Variants in FARS2 observed in about 807,000 individuals in gnomAD.
FARS2 encodes the protein phenylalanyl-tRNA synthetase 2, mitochondrial, also known as phenylalanine--tRNA ligase, mitochondrial.
A neutral mutation model predicts 46.4 loss-of-function variants in FARS2; 40 were observed. That is an observed-to-expected ratio of 0.86 (90% CI 0.67 to 1.12). The LOEUF is 1.12. Ranked by LOEUF, FARS2 falls within the 50% of genes most tolerant of loss-of-function variation. FARS2 has a pLI of 0.00. For synonymous variants in FARS2, 234 were observed against 214.9 expected (o/e 1.09, Z -0.78); for missense variants, 513 against 567.9 (o/e 0.90, Z 0.98).
intron 4 of FARS2, chr6:5,466,829 G>A: frequency 1.0e-6 from 1 of 985,418 alleles, no homozygotes; most frequent in Non-Finnish European, 1.2e-6. Context: ...CACTGAGTTG[G>A]GAATGGAGCC....
chr6:5,729,276 T>C lies in FARS2; in HGVS notation c.1218-42015T>C, dbSNP rs144770508. ...AAAGGAAATGAATAGCTCGTGCTAA[T>C]GAATGAGGTGTCCCCAGAGCATCGT... On this transcript the variant is annotated intron_variant, in intron 6 of 6. Coordinates refer to ENST00000274680, the MANE Select transcript of FARS2 (RefSeq NM_006567.5). 1.4e-3 allele frequency among the ~76,000 whole-genome samples: 218 copies of C among 152,296 alleles called. 1 individual carries two copies. The highest frequency in any genetic ancestry group is 5.0e-3 in the African/African-American group (207 of 41,572).
intron 5 of FARS2, among the ~76,000 whole-genome samples, chr6:5,607,954 T>C (rs1774937050): frequency 6.6e-6 from 1 of 151,044 alleles, no homozygotes; most frequent in Non-Finnish European, 1.5e-5. Flanking sequence ...AGAACATTGA[T>C]TATATTGCTA....
At chr6:5,666,781 C>T (rs567283570) in intron 6 of FARS2, among the ~76,000 whole-genome samples, 124 of 152,256 alleles carry the variant, frequency 8.1e-4, no homozygotes, top group African/African-American at 2.9e-3. Context: ...CATGTGTATT[C>T]GTTGCTATTC....
chr6:5,596,322 G>A (rs767217684), intron 5 of FARS2, among the ~76,000 whole-genome samples: 21 of 152,196 alleles, frequency 1.4e-4, no homozygotes, highest in Non-Finnish European at 2.9e-4. Flanking sequence ...GAGTGCAGTT[G>A]CTTCTGCACC....
intron 1 of FARS2, among the ~76,000 whole-genome samples, chr6:5,296,485 A>G (rs1044714917): frequency 1.3e-5 from 2 of 152,128 alleles, no homozygotes; most frequent in Admixed American, 1.3e-4. Flanking sequence ...CATTAAGTAC[A>G]TTTATGGTCT....
chr6:5,738,773 A>G (rs976666732), intron 6 of FARS2, among the ~76,000 whole-genome samples: 14 of 88,304 alleles, frequency 1.6e-4, no homozygotes, highest in African/African-American at 8.9e-4. Context: ...CCATACATTT[A>G]GAAAAAAAAA....
At chr6:5,507,853 A>G (rs1299831914) in intron 4 of FARS2, among the ~76,000 whole-genome samples, 3 of 152,210 alleles carry the variant, frequency 2.0e-5, no homozygotes, top group Non-Finnish European at 4.4e-5. Flanking sequence ...GAATTTGTTT[A>G]TAAGTGTGTA....
chr6:5,547,645 G>A (rs1047497683), intron 5 of FARS2, among the ~76,000 whole-genome samples: 4 of 152,300 alleles, frequency 2.6e-5, no homozygotes, highest in South Asian at 2.1e-4. Flanking sequence ...CACCACCAGC[G>A]TTTGTAAGCA....
At chr6:5,266,874 G>A (rs942580713) in intron 1 of FARS2, among the ~76,000 whole-genome samples, 4 of 151,860 alleles carry the variant, frequency 2.6e-5, no homozygotes, top group Non-Finnish European at 4.4e-5. Flanking sequence ...TTGAAAAGAC[G>A]TAGTGCTTTT....
intron 4 of FARS2, among the ~76,000 whole-genome samples, chr6:5,475,148 G>A (rs987417823): frequency 7.9e-5 from 12 of 152,208 alleles, no homozygotes; most frequent in Admixed American, 2.0e-4. Context: ...TGACTTCTCC[G>A]TGGGTACTGG....
At chr6:5,562,866 C>T (rs1425753047) in intron 5 of FARS2, among the ~76,000 whole-genome samples, 2 of 149,950 alleles carry the variant, frequency 1.3e-5, no homozygotes, top group African/African-American at 2.5e-5. Context: ...TGCAATGGCG[C>T]GATCTAGGCT....
intron 4 of FARS2, 90 bp from the exon 5 acceptor site, chr6:5,545,090 A>C: frequency 1.6e-6 from 2 of 1,285,598 alleles, no homozygotes; most frequent in Non-Finnish European, 1.1e-6. Context: ...TAGGCATCTA[A>C]TTAGTGTCAC....
chr6:5,690,404 A>C (rs922225536), intron 6 of FARS2, among the ~76,000 whole-genome samples: 4 of 151,122 alleles, frequency 2.6e-5, no homozygotes, highest in Non-Finnish European at 5.9e-5. Flanking sequence ...TGGTGACAAA[A>C]TCTCTCAGCA....
chr6:5,285,872 C>T (rs977692492), intron 1 of FARS2, among the ~76,000 whole-genome samples: 1 of 152,196 alleles, frequency 6.6e-6, no homozygotes, highest in African/African-American at 2.4e-5. Flanking sequence ...TTGCACGGGG[C>T]TTCTTCTCTC....
At position 5,321,917 on chromosome 6, in the gene FARS2, AT is replaced by A. The variant is rs1770005429; in HGVS notation, c.-21-46632del. Among the ~76,000 whole-genome samples, 3 of 152,320 alleles carry A rather than the reference AT, an allele frequency of 2.0e-5. No individual in the cohort carries two copies. In the South Asian group the frequency reaches 6.2e-4, roughly 32 times the overall value. ...CACAGAGTAGAGCTATTCACAATTT[AT>A]GGTGTGGTGGGACATAAGTTATGTC... On this transcript the variant is annotated intron_variant, in intron 1 of 6. Coordinates refer to ENST00000274680, the MANE Select transcript of FARS2 (RefSeq NM_006567.5).
rs371846327 is a variant in FARS2 at position 5,742,129 on chromosome 6, G to A, written c.1218-29162G>A. 1.1e-3 allele frequency among the ~76,000 whole-genome samples: 173 copies of A among 152,264 alleles called. 2 individuals carry two copies. The South Asian group carries it at 0.021, about 18-fold the overall frequency. The stretch of plus-strand genomic sequence containing the variant: ...TTCTAAGATGAATAGGTACGTTGGC[G>A]TCAGCTTTTGCCCCAGGATTGCCTG... On this transcript the variant is annotated intron_variant, in intron 6 of 6. Coordinates refer to ENST00000274680, the MANE Select transcript of FARS2 (RefSeq NM_006567.5).
intron 6 of FARS2, among the ~76,000 whole-genome samples, chr6:5,723,698 A>G (rs954373476): frequency 6.6e-6 from 1 of 152,214 alleles, no homozygotes; most frequent in Non-Finnish European, 1.5e-5. Context: ...AGGTTGTTGA[A>G]TCTGTTCTCA....
rs1779122735 is a variant in FARS2, at chr6:5,683,242, A to T, written c.1217+69922A>T. Among the ~76,000 whole-genome samples the T allele has an allele frequency of 2.0e-5, 3 of 152,148 alleles. No homozygotes were observed. In the South Asian group the frequency reaches 6.2e-4, roughly 32 times the overall value. On this transcript the variant is annotated intron_variant, in intron 6 of 6. Coordinates refer to ENST00000274680, the MANE Select transcript of FARS2 (RefSeq NM_006567.5). ...GGAGGGCGGGCACAGGAATGGAGAG[A>T]GTCAGGGTCACTCTGAAGGCAGAAT... is the stretch of plus-strand genomic sequence containing the variant.
intron 1 of FARS2, among the ~76,000 whole-genome samples, chr6:5,290,486 A>G (rs1374181334): frequency 1.3e-5 from 2 of 152,228 alleles, no homozygotes; most frequent in African/African-American, 2.4e-5. Context: ...TAAATTTTCA[A>G]AGTTAGAAAA....
Sources: allele counts gnomAD v4.1 joint callset (sites outside exome capture counted in the v4.1 genomes callset), GRCh38; gene constraint gnomAD v4.1.1; transcripts MANE v1.5; gene names NCBI Gene and HGNC (gene_info 2026-07-23, HGNC 2026-07-21).